The following PARM1 variants were observed in gnomAD, a reference collection of about 807,000 sequenced individuals.
The protein encoded by PARM1 is prostate androgen-regulated mucin-like protein 1.
Under a neutral mutation model 24.6 loss-of-function variants are expected in PARM1, and 14 were observed. The ratio of observed to expected loss-of-function variants is 0.57; its 90% confidence interval spans 0.38 to 0.89. The LOEUF is 0.89. Among genes scored for constraint, PARM1 ranks in the 40% least tolerant of loss-of-function variants. PARM1 has a pLI of 0.00. For synonymous variants in PARM1, 179 were observed against 156.6 expected (o/e 1.14, Z -1.07); for missense variants, 362 against 380.4 (o/e 0.95, Z 0.40).
intron 2 of PARM1, among the ~76,000 whole-genome samples, chr4:75,017,470 A>G (rs113034873): frequency 1.3e-3 from 193 of 152,216 alleles, no homozygotes; most frequent in African/African-American, 4.2e-3. Flanking sequence ...CAGATCTTCA[A>G]TGGCTCCCTC....
At chr4:75,032,984 A>G (rs1578058387) in intron 2 of PARM1, among the ~76,000 whole-genome samples, 1 of 152,246 alleles carries the variant, frequency 6.6e-6, no homozygotes, top group South Asian at 2.1e-4. Flanking sequence ...AAGTATATTC[A>G]TTATTAATGC....
In PARM1 at chr4:75,047,524, C is replaced by A. The variant is rs954293430; in HGVS notation, c.*1277C>A. On this transcript the variant is annotated 3_prime_UTR_variant, in exon 4 of 4. Coordinates refer to ENST00000307428, the MANE Select transcript of PARM1 (RefSeq NM_015393.4). ...CATTCTCAACCAGGAGGTGATTTTG[C>A]CCCCTGACTCCACCCCAGGGACATT... is the stretch of plus-strand genomic sequence containing the variant. 2 of 152,204 alleles carry A rather than the reference C, an allele frequency of 1.3e-5. No homozygotes were observed. The highest frequency in any genetic ancestry group is 2.4e-5 in the African/African-American group (1 of 41,440). The allele number at this position is 152,204 out of a possible 1,614,324, so 9.4% of individuals were successfully genotyped here.
intron 1 of PARM1, among the ~76,000 whole-genome samples, chr4:74,979,169 T>C (rs1168299173): frequency 6.7e-6 from 1 of 148,628 alleles, no homozygotes; most frequent in Non-Finnish European, 1.5e-5. Context: ...TTCGAAAAAA[T>C]CAATGAATCC....
rs187686785 is a variant in PARM1, at chr4:75,012,739, A to G, written c.358A>G (p.Thr120Ala). The G allele has an allele frequency of 6.2e-7, 1 of 1,613,916 alleles. No homozygotes were observed. The highest frequency in any genetic ancestry group is 2.2e-5 in the East Asian group (1 of 44,874). The change falls in exon 2 of 4, where the codon ACC becomes GCC. Residue 120 changes from threonine to alanine, a missense_variant. By Grantham distance (58) the Thr-to-Ala change is moderately conservative (BLOSUM62 0). Transcript: ENST00000307428. ...SSTSGGVHLT[T>A]TLEEHSSGTP... ...AACAAGCGGTGGAGTCCACTTAACA[A>G]CCACGTTGGAGGAACACAGCTCGGG...
chr4:74,953,122 G>T (rs988005931), intron 1 of PARM1, among the ~76,000 whole-genome samples: 2 of 152,116 alleles, frequency 1.3e-5, no homozygotes, highest in Non-Finnish European at 2.9e-5. Flanking sequence ...AAGCATGGAC[G>T]TTTATTTGGC....
intron 1 of PARM1, chr4:74,993,727 G>A (rs536564996): frequency 6.6e-6 from 1 of 152,248 alleles, no homozygotes; most frequent in South Asian, 2.1e-4. Context: ...TTTGATGACA[G>A]AAAGCAGATA....
intron 3 of PARM1, among the ~76,000 whole-genome samples, chr4:75,038,151 G>A (rs992293440): frequency 7.2e-5 from 11 of 152,284 alleles, no homozygotes; most frequent in Middle Eastern, 3.4e-3. Context: ...TTCTGACCTG[G>A]TGATCCGCCC....
At chr4:75,037,985 C>T (rs1012657178) in intron 3 of PARM1, among the ~76,000 whole-genome samples, 2 of 151,950 alleles carry the variant, frequency 1.3e-5, no homozygotes, top group African/African-American at 2.4e-5. Context: ...GGCGTGATCT[C>T]GGCTCACTGC....
chr4:75,020,009 C>CAAAAAAAAAAAAAAA (rs1161399344), intron 2 of PARM1, among the ~76,000 whole-genome samples: 3 of 31,046 alleles, frequency 9.7e-5, no homozygotes, highest in Non-Finnish European at 1.1e-4. Flanking sequence ...GACTCCGTCT[C>CAAAAAAAAAAAAAAA]AAAAAAAAAA....
intron 1 of PARM1, among the ~76,000 whole-genome samples, chr4:74,972,568 G>A (rs1425082556): frequency 1.3e-5 from 2 of 152,164 alleles, no homozygotes; most frequent in Non-Finnish European, 2.9e-5. Context: ...TTCGGTAGTA[G>A]TATATGAGTT....
chr4:74,990,454 A>G (rs1243207938), intron 1 of PARM1, among the ~76,000 whole-genome samples: 2 of 152,130 alleles, frequency 1.3e-5, no homozygotes, highest in African/African-American at 4.8e-5. Context: ...CTCCTCCAAA[A>G]TACTGTTGGC....
Position 75,012,572 on chromosome 4 carries a change from C to A in PARM1, c.191C>A (p.Ser64Ter), listed in dbSNP as rs780079387. 2 of 1,613,966 alleles carry A rather than the reference C, an allele frequency of 1.2e-6. No individual in the cohort carries two copies. The highest frequency in any genetic ancestry group is 4.5e-5 in the East Asian group (2 of 44,874). ...ASPSNGTHNN[S>*]VLPVTASAPT... ...CCATCCAACGGCACTCACAACAACTCGGTGCTCCCAGTTACAGCATCAGCC... is the reference window on the plus strand; with the variant it reads ...CCATCCAACGGCACTCACAACAACTAGGTGCTCCCAGTTACAGCATCAGCC... Residue 64 changes from serine (S) to a stop codon, truncating the protein, a stop_gained, in exon 2 of 4, where the codon TCG becomes TAG. Transcript: ENST00000307428. LOFTEE classifies it high-confidence loss of function.
intron 1 of PARM1, among the ~76,000 whole-genome samples, chr4:74,981,549 C>A (rs1578038199): frequency 6.6e-6 from 1 of 152,134 alleles, no homozygotes; most frequent in Admixed American, 6.5e-5. Context: ...ATTAGTTCAA[C>A]CATTATGGAA....
At chr4:75,022,540 C>T (rs1723106039) in intron 2 of PARM1, among the ~76,000 whole-genome samples, 1 of 152,156 alleles carries the variant, frequency 6.6e-6, no homozygotes, top group South Asian at 2.1e-4. Context: ...GTCCCAATGT[C>T]ACCTTTTATT....
At chr4:75,014,352 A>G (rs1323389348) in intron 2 of PARM1, among the ~76,000 whole-genome samples, 1 of 152,198 alleles carries the variant, frequency 6.6e-6, no homozygotes, top group Non-Finnish European at 1.5e-5. Context: ...GATATCAACA[A>G]GAAAAAGATA....
intron 1 of PARM1, among the ~76,000 whole-genome samples, chr4:74,942,495 C>T (rs1721330194): frequency 6.6e-6 from 1 of 152,194 alleles, no homozygotes; most frequent in Non-Finnish European, 1.5e-5. Flanking sequence ...GACTTTCTTC[C>T]CCTAGGGGGC....
chr4:75,009,529 T>C (rs945826865), intron 1 of PARM1, among the ~76,000 whole-genome samples: 1 of 152,198 alleles, frequency 6.6e-6, no homozygotes, highest in African/African-American at 2.4e-5. Flanking sequence ...TAGACATCAG[T>C]CATAGGCATA....
At chr4:75,019,470 C>T (rs959991374) in intron 2 of PARM1, among the ~76,000 whole-genome samples, 4 of 152,260 alleles carry the variant, frequency 2.6e-5, no homozygotes, top group South Asian at 2.1e-4. Context: ...CACACACAAC[C>T]GTGAAAATTG....
intron 1 of PARM1, among the ~76,000 whole-genome samples, chr4:74,943,350 A>G (rs536923031): frequency 3.9e-5 from 6 of 152,308 alleles, no homozygotes; most frequent in Admixed American, 1.3e-4. Flanking sequence ...CTAAAAATCT[A>G]TTTGTTAAAT....
Sources: allele counts gnomAD v4.1 joint callset (sites outside exome capture counted in the v4.1 genomes callset), GRCh38; gene constraint gnomAD v4.1.1; transcripts MANE v1.5; gene names NCBI Gene and HGNC (gene_info 2026-07-23, HGNC 2026-07-21).